The following VPS13B variants were observed in gnomAD, a reference collection of about 807,000 sequenced individuals.
VPS13B encodes intermembrane lipid transfer protein VPS13B.
VPS13B carries 285 observed loss-of-function variants against 426.4 expected under a neutral mutation model. The observed-to-expected ratio is 0.67, with a 90% CI of 0.61 to 0.74. The LOEUF (loss-of-function observed/expected upper bound fraction) is 0.74. VPS13B is among the 30% of genes least tolerant of loss of function. The probability of loss-of-function intolerance (pLI) is 0.00; values close to 1 mark genes in which losing one functional copy is unlikely to be tolerated. For missense variants in VPS13B, 4,537 were observed against 4,782.6 expected (o/e 0.95, Z 1.51); for synonymous variants, 1,676 against 1,676.4 (o/e 1.00, Z 0.01).
intron 22 of VPS13B, 69 bp from the exon 23 acceptor site, chr8:99,442,332 G>A (rs531479948): frequency 2.9e-5 from 39 of 1,350,078 alleles, no homozygotes; most frequent in Admixed American, 1.2e-4. Context: ...TTATTCTGGC[G>A]AAGATGTTAG....
At chr8:99,058,766 G>A (rs1442194420) in intron 3 of VPS13B, among the ~76,000 whole-genome samples, 2 of 152,166 alleles carry the variant, frequency 1.3e-5, no homozygotes, top group Admixed American at 1.3e-4. Context: ...CTGTGGCATT[G>A]GAGAGGTGGT....
intron 21 of VPS13B, among the ~76,000 whole-genome samples, chr8:99,427,738 T>C (rs1051985094): frequency 6.6e-6 from 1 of 151,076 alleles, no homozygotes; most frequent in Non-Finnish European, 1.5e-5. Context: ...TTCAATGCCA[T>C]CCCCATCAAG....
At position 99,819,549 on chromosome 8, in the gene VPS13B, C is replaced by G. The variant is rs1243287732; in HGVS notation, c.8759C>G (p.Pro2920Arg). 6.2e-7 allele frequency: 1 copy of G among 1,613,688 alleles called. No individual in the cohort carries two copies. The highest frequency in any genetic ancestry group is 2.2e-5 in the East Asian group (1 of 44,822). The part of the protein sequence containing the change: ...EFYGPEKSLQ[P>R]IWPYNKKDSD... ...TATGGGCCAGAAAAGTCGCTTCAAC[C>G]CATATGGCCCTATAATAAGAAGGAT... The change falls in exon 48 of 62, where the codon CCC becomes CGC. Residue 2920 changes from proline (P) to arginine (R), a missense_variant. By Grantham distance (103) the Pro-to-Arg change is moderately radical (BLOSUM62 -2). Transcript: ENST00000357162.
chr8:99,730,848 A>G (rs1391230842), intron 39 of VPS13B, among the ~76,000 whole-genome samples: 1 of 152,120 alleles, frequency 6.6e-6, no homozygotes, highest in Non-Finnish European at 1.5e-5. Flanking sequence ...ACAAGTACAT[A>G]AAACATGACA....
chr8:99,440,198 A>G (rs1401410967), intron 22 of VPS13B, among the ~76,000 whole-genome samples: 2 of 152,136 alleles, frequency 1.3e-5, no homozygotes, highest in Non-Finnish European at 2.9e-5. Context: ...CCATGGAAAA[A>G]TGAAGTAACA....
intron 21 of VPS13B, among the ~76,000 whole-genome samples, chr8:99,423,562 A>G (rs986930123): frequency 1.3e-5 from 2 of 151,880 alleles, no homozygotes; most frequent in Admixed American, 6.6e-5. Context: ...GCCACCCACC[A>G]TGGCCGGCAT....
At chr8:99,193,186 T>A in intron 17 of VPS13B, 129 bp downstream of exon 17, 4 of 946,794 alleles carry the variant, frequency 4.2e-6, no homozygotes, top group Non-Finnish European at 4.7e-6. Context: ...AATGTAGATA[T>A]TTATAGCTTA....
At chr8:99,451,933 T>C (rs1385828449) in intron 23 of VPS13B, among the ~76,000 whole-genome samples, 1 of 152,204 alleles carries the variant, frequency 6.6e-6, no homozygotes, top group African/African-American at 2.4e-5. Flanking sequence ...CCTTTTCTCT[T>C]CCTCTTTAAT....
At chr8:99,312,972 G>T (rs749407839) in intron 19 of VPS13B, among the ~76,000 whole-genome samples, 9 of 152,126 alleles carry the variant, frequency 5.9e-5, no homozygotes, top group Non-Finnish European at 1.0e-4. Flanking sequence ...GCTAAGGAAG[G>T]TTGTGCATTT....
At chr8:99,773,578 A>G (rs2130653604) in intron 40 of VPS13B, among the ~76,000 whole-genome samples, 1 of 152,324 alleles carries the variant, frequency 6.6e-6, no homozygotes, top group South Asian at 2.1e-4. Flanking sequence ...AGGTATAAAT[A>G]AAACACCTGC....
intron 61 of VPS13B, among the ~76,000 whole-genome samples, chr8:99,874,217 G>A (rs1435347703): frequency 6.6e-6 from 1 of 152,146 alleles, no homozygotes; most frequent in African/African-American, 2.4e-5. Flanking sequence ...TGTTCAGGAG[G>A]AGCAATTAAA....
At position 99,111,245 on chromosome 8, in the gene VPS13B, A is replaced by G. The variant is rs770736283; in HGVS notation, c.728A>G (p.Glu243Gly). The G allele has an allele frequency of 1.2e-6, 2 of 1,603,602 alleles. No individual in the cohort carries two copies. The highest frequency in any genetic ancestry group is 4.5e-5 in the East Asian group (2 of 44,438). ...SFRTRLHFTY[E>G]NLNSKMPSVI... ...AGAACTCGTCTTCATTTTACATATG[A>G]AAACCTAAATTCCAAGATGCCATCT... The change falls in exon 6 of 62, where the codon GAA (glutamate) becomes GGA (glycine). Residue 243 changes from glutamate (E) to glycine (G), a missense_variant. Coordinates refer to ENST00000357162, the MANE Select transcript of VPS13B (RefSeq NM_152564.5).
intron 56 of VPS13B, among the ~76,000 whole-genome samples, chr8:99,856,264 C>A (rs189681212): frequency 4.6e-5 from 7 of 152,312 alleles, no homozygotes; most frequent in Admixed American, 2.6e-4. Context: ...ATATAGAGGG[C>A]CAAGTTTTCA....
intron 26 of VPS13B, 89 bp from the exon 27 acceptor site, chr8:99,502,747 A>G: frequency 1.0e-6 from 1 of 985,486 alleles, no homozygotes; most frequent in Non-Finnish European, 1.6e-6. Context: ...CATATCCAGC[A>G]TGCATTTGTC....
At chr8:99,414,239 CT>C (rs373183960) in intron 21 of VPS13B, among the ~76,000 whole-genome samples, 373 of 134,730 alleles carry the variant, frequency 2.8e-3, no homozygotes, top group Middle Eastern at 7.6e-3. Flanking sequence ...GCAACCCCTG[CT>C]TTTTTTTTTT....
At chr8:99,518,860 ATTGTATGCCT>A (rs984856194) in intron 29 of VPS13B, among the ~76,000 whole-genome samples, 1 of 152,170 alleles carries the variant, frequency 6.6e-6, no homozygotes, top group African/African-American at 2.4e-5. Flanking sequence ...GGAAATATGG[ATTGTATGCCT>A]TTGTAGGCAG....
At chr8:99,204,571 C>A (rs575373140) in intron 17 of VPS13B, among the ~76,000 whole-genome samples, 1 of 151,988 alleles carries the variant, frequency 6.6e-6, no homozygotes. Context: ...CGTGAACAGG[C>A]AATCTACAGA....
intron 35 of VPS13B, among the ~76,000 whole-genome samples, chr8:99,683,483 T>C (rs1404598472): frequency 6.6e-6 from 1 of 152,174 alleles, no homozygotes; most frequent in African/African-American, 2.4e-5. Context: ...GAATATGGTA[T>C]GTGTATGGTA....
In VPS13B at chr8:99,136,718, T is replaced by C. The variant is rs1810088725; in HGVS notation, c.1617T>C (p.Asp539=). 1 of 1,613,520 alleles carries C rather than the reference T, an allele frequency of 6.2e-7. No individual in the cohort carries two copies. Among genetic ancestry groups the C allele is most frequent in the South Asian group, 1.1e-5 (1 of 91,078 alleles). The part of the protein sequence containing the change: ...GMQRFGAFYM[D]YLYTMENTSG... ...AACGGTTTGGGGCTTTTTATATGGA[T>C]TACCTGTATACAATGGAGAACACTA... Residue 539 remains aspartate, a synonymous_variant, in exon 12 of 62, where the codon GAT becomes GAC. Transcript: ENST00000357162.
Sources: allele counts gnomAD v4.1 joint callset (sites outside exome capture counted in the v4.1 genomes callset), GRCh38; gene constraint gnomAD v4.1.1; transcripts MANE v1.5; gene names NCBI Gene and HGNC (gene_info 2026-07-23, HGNC 2026-07-21).